Variants in SLC26A7 observed in about 807,000 individuals in gnomAD.
SLC26A7 encodes anion exchange transporter.
Under a neutral mutation model 82.5 loss-of-function variants are expected in SLC26A7, and 59 were observed. The observed-to-expected ratio is 0.72, with a 90% CI of 0.58 to 0.89. The LOEUF is 0.89. Among genes scored for constraint, SLC26A7 ranks in the 40% least tolerant of loss-of-function variants. The pLI is 0.00. For synonymous variants in SLC26A7, 271 were observed against 274.3 expected, an observed-to-expected ratio of 0.99 and a Z score of 0.12; for missense variants, 820 against 793.0, an observed-to-expected ratio of 1.03 and a Z score of -0.41.
chr8:91,217,938 G>C (rs1810083865), intron 1 of SLC26A7, among the ~76,000 whole-genome samples: 1 of 152,118 alleles, frequency 6.6e-6, no homozygotes, highest in Admixed American at 6.6e-5. Context: ...TGTGTGAAGG[G>C]GATGTGACTT....
intron 2 of SLC26A7, among the ~76,000 whole-genome samples, chr8:91,230,810 CA>C (rs1245126041): frequency 6.6e-6 from 1 of 152,060 alleles, no homozygotes; most frequent in Non-Finnish European, 1.5e-5. Flanking sequence ...AAAGTGATGG[CA>C]ACAACACGGA....
At chr8:91,339,280 A>C (rs1477248237) in intron 7 of SLC26A7, among the ~76,000 whole-genome samples, 1 of 147,366 alleles carries the variant, frequency 6.8e-6, no homozygotes. Flanking sequence ...GAGGTGGGTT[A>C]AAAAAAAAAG....
intron 2 of SLC26A7, among the ~76,000 whole-genome samples, chr8:91,271,305 C>T (rs1811260556): frequency 6.6e-6 from 1 of 152,072 alleles, no homozygotes; most frequent in Non-Finnish European, 1.5e-5. Context: ...TGCATATTCT[C>T]TTGTATACAC....
At chr8:91,382,683 C>A (rs1814699123) in intron 15 of SLC26A7, among the ~76,000 whole-genome samples, 1 of 152,042 alleles carries the variant, frequency 6.6e-6, no homozygotes, top group African/African-American at 2.4e-5. Context: ...CACATATTGC[C>A]TATATGGTTA....
intron 12 of SLC26A7, 55 bp downstream of exon 12, chr8:91,362,514 T>C (rs148975543): frequency 1.5e-6 from 2 of 1,316,648 alleles, no homozygotes; most frequent in Admixed American, 3.4e-5. Flanking sequence ...AAATACATGG[T>C]TACTTGCCAT....
intron 4 of SLC26A7, among the ~76,000 whole-genome samples, chr8:91,302,409 C>T (rs77001920): frequency 0.03 from 4,625 of 152,110 alleles, 95 homozygotes; most frequent in African/African-American, 0.051. Context: ...CACTCATTGG[C>T]CTTCAGACAA....
At chr8:91,353,971 G>A (rs1813793771) in intron 11 of SLC26A7, among the ~76,000 whole-genome samples, 1 of 151,962 alleles carries the variant, frequency 6.6e-6, no homozygotes, top group Admixed American at 6.6e-5. Flanking sequence ...TTAGTTTTGG[G>A]GAAAATAGAG....
upstream of SLC26A7, among the ~76,000 whole-genome samples, chr8:91,247,852 C>T (rs541757732): frequency 7.6e-4 from 115 of 151,854 alleles, 1 homozygote; most frequent in African/African-American, 2.6e-3. Context: ...TGTTAACATA[C>T]GTTAGAATTT....
At chr8:91,223,471 G>A (rs1371705015) in intron 2 of SLC26A7, among the ~76,000 whole-genome samples, 1 of 152,176 alleles carries the variant, frequency 6.6e-6, no homozygotes, top group Non-Finnish European at 1.5e-5. Context: ...GGCATTTAGT[G>A]TTATAAATTT....
intron 2 of SLC26A7, among the ~76,000 whole-genome samples, chr8:91,257,268 A>T (rs1326090376): frequency 1.3e-5 from 2 of 152,124 alleles, no homozygotes; most frequent in Admixed American, 1.3e-4. Context: ...CATGTAGCAG[A>T]GGTGACACAC....
intron 11 of SLC26A7, among the ~76,000 whole-genome samples, chr8:91,355,915 C>A (rs543262665): frequency 6.6e-6 from 1 of 152,108 alleles, no homozygotes; most frequent in Non-Finnish European, 1.5e-5. Flanking sequence ...GTGTGATGTT[C>A]CCCTTCCTGT....
At chr8:91,358,225 G>A (rs550107285) in intron 11 of SLC26A7, among the ~76,000 whole-genome samples, 21 of 151,960 alleles carry the variant, frequency 1.4e-4, no homozygotes, top group Non-Finnish European at 2.4e-4. Flanking sequence ...ATCTAGAACT[G>A]GAAATACCAT....
At chr8:91,303,936 G>C (rs1812234412) in intron 4 of SLC26A7, among the ~76,000 whole-genome samples, 1 of 152,172 alleles carries the variant, frequency 6.6e-6, no homozygotes, top group African/African-American at 2.4e-5. Flanking sequence ...ACAGCAGAAA[G>C]TCATTACTCT....
intron 2 of SLC26A7, among the ~76,000 whole-genome samples, chr8:91,233,424 G>A (rs1810341573): frequency 3.3e-5 from 5 of 151,906 alleles, no homozygotes; most frequent in Middle Eastern, 3.2e-3. Flanking sequence ...AAAATTAGCT[G>A]GGCATGGCGG....
In SLC26A7 at chr8:91,395,086, A is replaced by T; in HGVS notation, c.1960A>T (p.Ser654Cys). 6.2e-7 allele frequency: 1 copy of T among 1,613,466 alleles called. No homozygotes were observed. Among genetic ancestry groups the T allele is most frequent in the East Asian group, 2.2e-5 (1 of 44,864 alleles). ...GAATTTGAGCAAACTCAGTGACCACAGTGAAGTCTGAGACCCTTTTGTCAC... is the reference window on the plus strand; with the variant it reads ...GAATTTGAGCAAACTCAGTGACCACTGTGAAGTCTGAGACCCTTTTGTCAC... ...NKNLSKLSDH[S>C]EV The change falls in exon 19 of 19, where the codon AGT (serine) becomes TGT (cysteine). Residue 654 changes from serine to cysteine, a missense_variant. Transcript: ENST00000276609.
chr8:91,244,656 A>G (rs200362480), upstream of SLC26A7, among the ~76,000 whole-genome samples: 55 of 151,986 alleles, frequency 3.6e-4, no homozygotes, highest in East Asian at 9.3e-3. Flanking sequence ...GGCATGAGCC[A>G]CCATGCCCAG....
At chr8:91,329,691 T>C in intron 5 of SLC26A7, among the ~76,000 whole-genome samples, 1 of 152,182 alleles carries the variant, frequency 6.6e-6, no homozygotes, top group South Asian at 2.1e-4. Flanking sequence ...AGAAAAGATA[T>C]TCTCTAAATG....
At chr8:91,327,048 C>T (rs1415315647) in intron 5 of SLC26A7, among the ~76,000 whole-genome samples, 1 of 152,132 alleles carries the variant, frequency 6.6e-6, no homozygotes, top group African/African-American at 2.4e-5. Context: ...ATTACATCTG[C>T]AAAGACCTTA....
At position 91,342,397 on chromosome 8, in the gene SLC26A7, TG is replaced by T. The variant is rs1365431973; in HGVS notation, c.1027-955del. On this transcript the variant is annotated intron_variant, in intron 8 of 18. Transcript: ENST00000276609. ...AGCTCTATGGGGCAGGGATATTTGT[TG>T]TGCTTACTAGAAACAGCAGATGCAA... is the stretch of plus-strand genomic sequence containing the variant. Among the ~76,000 whole-genome samples, 4 of 152,322 alleles carry T rather than the reference TG, an allele frequency of 2.6e-5. No homozygotes were observed. The East Asian group carries it at 5.8e-4, about 22-fold the overall frequency.
Sources: allele counts gnomAD v4.1 joint callset (sites outside exome capture counted in the v4.1 genomes callset), GRCh38; gene constraint gnomAD v4.1.1; transcripts MANE v1.5; gene names NCBI Gene and HGNC (gene_info 2026-07-23, HGNC 2026-07-21).